SYNJ2: variants seen among roughly 807,000 people sequenced by gnomAD.
SYNJ2 encodes the protein synaptojanin 2.
A neutral mutation model predicts 141.3 loss-of-function variants in SYNJ2; 116 were observed. That is an observed-to-expected ratio of 0.82 (90% CI 0.71 to 0.96). The LOEUF is 0.96. SYNJ2 is among the 40% of genes least tolerant of loss of function. The probability of loss-of-function intolerance (pLI) is 0.00; values close to 1 mark genes in which losing one functional copy is unlikely to be tolerated. For synonymous variants in SYNJ2, 745 were observed against 777.7 expected (o/e 0.96, Z 0.70); for missense variants, 1,873 against 1,934.8 (o/e 0.97, Z 0.60).
chr6:158,085,115 G>A (rs1366360879), intron 22 of SYNJ2, among the ~76,000 whole-genome samples: 1 of 151,486 alleles, frequency 6.6e-6, no homozygotes, highest in Non-Finnish European at 1.5e-5. Flanking sequence ...CACCTCCCAG[G>A]CTCAAGCGAT....
intron 17 of SYNJ2, among the ~76,000 whole-genome samples, chr6:158,077,004 T>A (rs1459193024): frequency 6.6e-6 from 1 of 151,874 alleles, no homozygotes; most frequent in African/African-American, 2.4e-5. Flanking sequence ...TCTTTTCTTT[T>A]TTTTTTTTGA....
At chr6:158,045,715 A>C (rs150179721) in intron 5 of SYNJ2, among the ~76,000 whole-genome samples, 38 of 152,202 alleles carry the variant, frequency 2.5e-4, no homozygotes, top group Middle Eastern at 3.4e-3. Flanking sequence ...CATCTAAAAA[A>C]TGACACTCCT....
At chr6:158,065,671 A>G (rs1417383588) in intron 11 of SYNJ2, among the ~76,000 whole-genome samples, 1 of 152,226 alleles carries the variant, frequency 6.6e-6, no homozygotes, top group Non-Finnish European at 1.5e-5. Flanking sequence ...CATGCTTAAA[A>G]TGGGTTCACG....
intron 3 of SYNJ2, among the ~76,000 whole-genome samples, chr6:158,029,870 G>T (rs962331523): frequency 1.3e-5 from 2 of 152,144 alleles, no homozygotes; most frequent in African/African-American, 4.8e-5. Context: ...GAGAGACTGA[G>T]GCACGAATAG....
intron 26 of SYNJ2, chr6:158,093,992 A>G (rs1783640668): frequency 1.3e-6 from 1 of 765,202 alleles, no homozygotes; most frequent in East Asian, 2.4e-5. Context: ...CTGTAGACAC[A>G]TCTGGATCTT....
In SYNJ2 at chr6:158,070,392, C is replaced by CT. The variant is rs1781845721; in HGVS notation, c.1940+720dup. The CT allele has an allele frequency of 3.0e-6, 3 of 985,492 alleles. No individual in the cohort carries two copies. Among genetic ancestry groups the CT allele is most frequent in the Non-Finnish European group, 2.4e-6 (2 of 829,994 alleles). The allele number at this position is 985,492 out of a possible 1,614,324, so 61.0% of individuals were successfully genotyped here. A position where few individuals can be genotyped will look rare whatever the true frequency, so the allele number is the denominator to read the frequency against. ...GGTACACCCCTGCAGCACCTGGAGA[C>CT]TAAGACTATGCTGCCCATAATCCTC... On this transcript the variant is annotated intron_variant, in intron 14 of 26. Transcript: ENST00000355585. The surrounding 1 kb of genome is among the most constrained non-coding windows in gnomAD (Gnocchi z 4.0).
intron 1 of SYNJ2, among the ~76,000 whole-genome samples, chr6:157,999,173 A>G (rs1006297825): frequency 1.3e-5 from 2 of 152,244 alleles, no homozygotes; most frequent in Admixed American, 6.5e-5. Context: ...AAAAATACAA[A>G]TGGCCAAAAC....
intron 23 of SYNJ2, among the ~76,000 whole-genome samples, chr6:158,088,077 T>G (rs1783194335): frequency 8.6e-6 from 1 of 116,244 alleles, no homozygotes; most frequent in Non-Finnish European, 1.7e-5. Flanking sequence ...TTTTTTTTTT[T>G]TGAGATGGGC....
chr6:158,036,321 T>C (rs2128340108), intron 4 of SYNJ2, among the ~76,000 whole-genome samples: 1 of 152,338 alleles, frequency 6.6e-6, no homozygotes, highest in South Asian at 2.1e-4. Context: ...AATGTGGTGA[T>C]TCCTCAGAGA....
chr6:158,043,150 AGGTCAGG>A lies in SYNJ2; in HGVS notation c.712-164_712-158del, dbSNP rs1780041673. Among the ~76,000 whole-genome samples, 1 of 152,132 alleles carries A rather than the reference AGGTCAGG, an allele frequency of 6.6e-6. No homozygotes were observed. The highest frequency in any genetic ancestry group is 2.1e-4 in the South Asian group (1 of 4,824). ...GCATGCCCGCCCAGTACCTGGCGAG[AGGTCAGG>A]GCGCATTGCCGGATGGGGGAGCAGA... On this transcript the variant is annotated intron_variant, in intron 4 of 26. Coordinates refer to ENST00000355585, the MANE Select transcript of SYNJ2 (RefSeq NM_003898.4). This position sits in a 1 kb window ranked among gnomAD's most constrained non-coding sequence, Gnocchi z 4.0.
chr6:158,061,822 T>C (rs1267543110), intron 7 of SYNJ2, among the ~76,000 whole-genome samples, 170 bp from the exon 8 acceptor site: 2 of 152,338 alleles, frequency 1.3e-5, no homozygotes, highest in Admixed American at 6.5e-5. Context: ...GCCTTTGTCC[T>C]GTGCTTCCCT....
chr6:158,032,810 G>A (rs745642818), intron 3 of SYNJ2, among the ~76,000 whole-genome samples: 3 of 152,206 alleles, frequency 2.0e-5, no homozygotes, highest in Admixed American at 6.5e-5. Context: ...TCACCCTGTC[G>A]TTATCATCAT....
At chr6:158,039,277 G>A (rs1779807769) in intron 4 of SYNJ2, among the ~76,000 whole-genome samples, 1 of 152,274 alleles carries the variant, frequency 6.6e-6, no homozygotes, top group African/African-American at 2.4e-5. Context: ...GTATGCTCCT[G>A]CGAAGCGGCA....
intron 6 of SYNJ2, among the ~76,000 whole-genome samples, chr6:158,057,069 GCTCTGCGGGCGGC>G (rs1780911420): frequency 1.3e-5 from 2 of 152,052 alleles, no homozygotes; most frequent in Admixed American, 6.5e-5. Context: ...TCCCCGCCCC[GCTCTGCGGGCGGC>G]TGCTGTGCAC....
At position 158,013,402 on chromosome 6, in the gene SYNJ2, A is replaced by G. The variant is rs190511507; in HGVS notation, c.128-3802A>G. Among the ~76,000 whole-genome samples, 399 of 152,280 alleles carry G rather than the reference A, an allele frequency of 2.6e-3. 2 individuals are homozygous for G. Among genetic ancestry groups the G allele is most frequent in the African/African-American group, 8.9e-3 (370 of 41,570 alleles). ...AAAAAAAAAATTGCATACAATTTTG[A>G]GAACAATTTTGTATACAGATTCCCC... On this transcript the variant is annotated intron_variant, in intron 1 of 26. Coordinates refer to ENST00000355585, the MANE Select transcript of SYNJ2 (RefSeq NM_003898.4).
intron 1 of SYNJ2, among the ~76,000 whole-genome samples, chr6:157,983,755 C>T (rs1013265418): frequency 1.3e-5 from 2 of 151,912 alleles, no homozygotes; most frequent in African/African-American, 2.4e-5. Context: ...GGAATTGGCT[C>T]GTCTTCAACT....
At chr6:158,021,065 T>G (rs557222780) in intron 2 of SYNJ2, among the ~76,000 whole-genome samples, 1 of 152,234 alleles carries the variant, frequency 6.6e-6, no homozygotes, top group South Asian at 2.1e-4. Flanking sequence ...CAAAGCATAT[T>G]AAGTGAGAAT....
At chr6:158,092,189 T>C (rs1236426581) in intron 25 of SYNJ2, among the ~76,000 whole-genome samples, 1 of 152,198 alleles carries the variant, frequency 6.6e-6, no homozygotes, top group Non-Finnish European at 1.5e-5. Context: ...AACACTTTCT[T>C]GGTCATGGCC....
chr6:158,025,201 G>A (rs1778977003), intron 2 of SYNJ2, among the ~76,000 whole-genome samples: 1 of 152,150 alleles, frequency 6.6e-6, no homozygotes, highest in African/African-American at 2.4e-5. Context: ...TGGTGGGAGA[G>A]GTGCAGGAGA....
Sources: allele counts gnomAD v4.1 joint callset (sites outside exome capture counted in the v4.1 genomes callset), GRCh38; gene constraint gnomAD v4.1.1; non-coding constraint Gnocchi (gnomAD v3.1); transcripts MANE v1.5; gene names NCBI Gene and HGNC (gene_info 2026-07-23, HGNC 2026-07-21).